Variants in WASF3 observed in about 807,000 individuals in gnomAD.
The protein encoded by WASF3 is WASP family member 3, also known as actin-binding protein WASF3.
Under a neutral mutation model 46.6 loss-of-function variants are expected in WASF3, and 11 were observed. That is an observed-to-expected ratio of 0.24 (90% confidence interval 0.15 to 0.39). WASF3 has a LOEUF of 0.39. WASF3 is among the 10% of genes least tolerant of loss of function. The pLI, the probability that WASF3 is intolerant of heterozygous loss-of-function variation, is 1.00. For missense variants in WASF3, 576 were observed against 669.8 expected (o/e 0.86, Z 1.55); for synonymous variants, 242 against 259.7 (o/e 0.93, Z 0.65).
chr13:26,637,038 G>A (rs1030124457), intron 2 of WASF3, among the ~76,000 whole-genome samples: 1 of 152,206 alleles, frequency 6.6e-6, no homozygotes, highest in African/African-American at 2.4e-5. Flanking sequence ...AAGGGCTCCT[G>A]TGTGCTGGCC....
chr13:26,556,791 A>G (rs557080719), upstream of WASF3, among the ~76,000 whole-genome samples: 12 of 152,410 alleles, frequency 7.9e-5, no homozygotes, highest in African/African-American at 2.9e-4. Context: ...TGAACTATTC[A>G]TTAGAATTTA....
rs1296064874 is a variant in WASF3, at chr13:26,572,139, AGTT to A, written c.-109+14327_-109+14329del. ...ACTAACATGTCATCAACCACTAGAG[AGTT>A]GTTGTTCTTTTTTTCCATTGTTTGT... On this transcript the variant is annotated intron_variant, in intron 1 of 9. Transcript: ENST00000335327. 3.9e-5 allele frequency among the ~76,000 whole-genome samples: 6 copies of A among 152,126 alleles called. No homozygotes were observed. In the East Asian group the frequency reaches 1.2e-3, roughly 29 times the overall value.
chr13:26,659,089 C>A (rs1007016815), intron 3 of WASF3, among the ~76,000 whole-genome samples: 1 of 152,170 alleles, frequency 6.6e-6, no homozygotes, highest in Non-Finnish European at 1.5e-5. Flanking sequence ...TAGTGCTAGT[C>A]AGGAAAATAC....
intron 4 of WASF3, among the ~76,000 whole-genome samples, chr13:26,666,087 A>G (rs1439283974): frequency 1.3e-5 from 2 of 152,194 alleles, no homozygotes; most frequent in Non-Finnish European, 2.9e-5. Context: ...TCTCATGTTC[A>G]GTCTTTTTCA....
chr13:26,614,866 G>A (rs1046867597), intron 2 of WASF3, among the ~76,000 whole-genome samples: 2 of 151,980 alleles, frequency 1.3e-5, no homozygotes, highest in African/African-American at 4.8e-5. Context: ...TGAAGAACTC[G>A]GGGCTTCTGC....
At chr13:26,594,118 T>C (rs762103068) in intron 1 of WASF3, among the ~76,000 whole-genome samples, 5 of 152,236 alleles carry the variant, frequency 3.3e-5, no homozygotes, top group African/African-American at 4.8e-5. Context: ...TTTTAAAATA[T>C]AAATTTTCAA....
Position 26,676,557 on chromosome 13 carries a change from G to A in WASF3, c.549G>A (p.Lys183=), listed in dbSNP as rs758203677. Reference sequence around the variant, plus strand: ...CCTTTCCTGGACATCAGGAGCAAAAGCGTATAGATGGCACCACCCGTGAGG... The same window carrying A: ...CCTTTCCTGGACATCAGGAGCAAAAACGTATAGATGGCACCACCCGTGAGG... ...RKEKRRQKEQ[K]RIDGTTREVK... The change falls in exon 7 of 10, where the codon AAG becomes AAA. Residue 183 remains lysine, a synonymous_variant. Transcript: ENST00000335327. 15 of 1,613,728 alleles carry A rather than the reference G, an allele frequency of 9.3e-6. No homozygotes were observed. The highest frequency in any genetic ancestry group is 1.1e-5 in the Non-Finnish European group (13 of 1,179,914).
At chr13:26,555,448 T>C (rs190461455), upstream of WASF3, among the ~76,000 whole-genome samples, 45 of 152,252 alleles carry the variant, frequency 3.0e-4, no homozygotes, top group East Asian at 8.1e-3. Flanking sequence ...CTTTAAATAC[T>C]TAGCATTTCA....
At chr13:26,607,478 T>G (rs992003556) in intron 1 of WASF3, among the ~76,000 whole-genome samples, 4 of 152,162 alleles carry the variant, frequency 2.6e-5, no homozygotes, top group Admixed American at 6.5e-5. Context: ...AGATTGGTCA[T>G]TTCAGAATTA....
At chr13:26,554,080 C>CTTTCTTTCTTTCTTTCT (rs1323423541), upstream of WASF3, among the ~76,000 whole-genome samples, 3 of 52,516 alleles carry the variant, frequency 5.7e-5, no homozygotes, top group Non-Finnish European at 7.6e-5. Context: ...TCCTTCCTTC[C>CTTTCTTTCTTTCTTTCT]TTCCTTCCTT....
At chr13:26,661,716 C>T (rs1413383470) in intron 3 of WASF3, among the ~76,000 whole-genome samples, 1 of 152,210 alleles carries the variant, frequency 6.6e-6, no homozygotes, top group Non-Finnish European at 1.5e-5. Context: ...ATTGTACATT[C>T]TCACCAACAG....
chr13:26,636,552 T>A (rs1881827643), intron 2 of WASF3, among the ~76,000 whole-genome samples: 1 of 152,238 alleles, frequency 6.6e-6, no homozygotes, highest in Non-Finnish European at 1.5e-5. Flanking sequence ...AGGAACCAGG[T>A]ACCTCAGTTG....
intron 1 of WASF3, among the ~76,000 whole-genome samples, chr13:26,567,572 A>G (rs1319710559): frequency 6.6e-6 from 1 of 152,222 alleles, no homozygotes; most frequent in East Asian, 1.9e-4. Flanking sequence ...TAACTTACAC[A>G]GTACGACATA....
At chr13:26,624,747 G>A (rs911367893) in intron 2 of WASF3, among the ~76,000 whole-genome samples, 14 of 152,024 alleles carry the variant, frequency 9.2e-5, no homozygotes, top group Non-Finnish European at 1.6e-4. Flanking sequence ...TAAAGAAAAT[G>A]AAACATTACA....
intron 1 of WASF3, among the ~76,000 whole-genome samples, chr13:26,590,408 G>T (rs182914424): frequency 2.0e-5 from 3 of 152,108 alleles, no homozygotes; most frequent in East Asian, 3.9e-4. Flanking sequence ...AAAGAAACCC[G>T]AAAGAAGGTG....
intron 2 of WASF3, among the ~76,000 whole-genome samples, chr13:26,637,338 A>T (rs972933593): frequency 6.6e-6 from 1 of 152,070 alleles, no homozygotes; most frequent in South Asian, 2.1e-4. Flanking sequence ...ATTCATCTAG[A>T]ATTCCCCATC....
intron 1 of WASF3, among the ~76,000 whole-genome samples, chr13:26,575,290 T>C (rs1052348705): frequency 6.6e-6 from 1 of 152,214 alleles, no homozygotes; most frequent in Non-Finnish European, 1.5e-5. Context: ...ATTATTTCAG[T>C]TGCATTTTCA....
chr13:26,610,856 C>T (rs891092325), intron 1 of WASF3, among the ~76,000 whole-genome samples: 4 of 152,162 alleles, frequency 2.6e-5, no homozygotes, highest in African/African-American at 9.7e-5. Context: ...AAAGGAGTTA[C>T]TGATATGCTC....
intron 1 of WASF3, among the ~76,000 whole-genome samples, chr13:26,603,668 A>G (rs1483645412): frequency 6.6e-6 from 1 of 152,136 alleles, no homozygotes; most frequent in East Asian, 1.9e-4. Flanking sequence ...TCTCTCTACT[A>G]AAAATATTTG....
Sources: gnomAD v4.1 joint callset for allele counts (sites outside exome capture counted in the v4.1 genomes callset) on GRCh38, gnomAD v4.1.1 for gene constraint, MANE v1.5 for transcripts, NCBI Gene and HGNC (gene_info 2026-07-23, HGNC 2026-07-21) for gene names.